Variants in CYB561 observed in about 807,000 individuals in gnomAD.
CYB561 encodes the protein cytochrome b561.
In CYB561, 11 loss-of-function variants were observed where a neutral mutation model predicts 25.3. The observed-to-expected ratio is 0.44, with a 90% CI of 0.27 to 0.72. The LOEUF is 0.72. Ranked by LOEUF, CYB561 falls within the 30% of genes least tolerant of loss-of-function variation. CYB561 has a pLI of 0.18. For synonymous variants in CYB561, 165 were observed against 158.8 expected (o/e 1.04, Z -0.29); for missense variants, 295 against 334.9 (o/e 0.88, Z 0.93).
At chr17:63,437,635 A>G (rs113985880) in intron 1 of CYB561, 75 bp from the exon 2 acceptor site, 7 of 1,207,474 alleles carry the variant, frequency 5.8e-6, no homozygotes, top group Non-Finnish European at 7.9e-6. Context: ...GGATGCACAC[A>G]GCCCCCCAAG....
rs2049308243 is a variant in CYB561, at chr17:63,436,965, C to T, written c.202+381G>A. The T allele has an allele frequency of 4.4e-6, 1 of 229,420 alleles. No homozygotes were observed. Among genetic ancestry groups the T allele is most frequent in the East Asian group, 1.1e-4 (1 of 9,044 alleles). The allele number at this position is 229,420 out of a possible 1,614,324, so 14.2% of individuals were successfully genotyped here. A position where few individuals can be genotyped will look rare whatever the true frequency, so the allele number is the denominator to read the frequency against. The stretch of plus-strand genomic sequence containing the variant: ...TGCCAAGTCCAAGACCAACAACACA[C>T]ATGCGCGCGCACGCACGCACGCATA... On this transcript the variant is annotated intron_variant, in intron 2 of 5. Coordinates refer to ENST00000360793, the MANE Select transcript of CYB561 (RefSeq NM_001915.4). The surrounding 1 kb of genome is among the most constrained non-coding windows in gnomAD (Gnocchi z 4.8).
chr17:63,437,655 G>T, intron 1 of CYB561, 95 bp from the exon 2 acceptor site: 1 of 821,350 alleles, frequency 1.2e-6, no homozygotes, highest in Non-Finnish European at 1.7e-6. Context: ...GATGCGCACA[G>T]GCCCCCCGAG....
At chr17:63,438,101 C>T (rs1415586083) in intron 1 of CYB561, 6 of 1,534,280 alleles carry the variant, frequency 3.9e-6, no homozygotes, top group African/African-American at 2.8e-5. Context: ...GGCCCAGCCT[C>T]CCCACGGGGA....
intron 1 of CYB561, among the ~76,000 whole-genome samples, chr17:63,444,860 GA>G (rs2049408452): frequency 6.6e-6 from 1 of 152,188 alleles, no homozygotes; most frequent in Admixed American, 6.5e-5. Flanking sequence ...GCCTGCCAAG[GA>G]AAAGTGGTGA....
intron 5 of CYB561, among the ~76,000 whole-genome samples, chr17:63,434,852 G>A (rs980509294): frequency 6.6e-6 from 1 of 152,234 alleles, no homozygotes; most frequent in African/African-American, 2.4e-5. Context: ...ATCCTGCTGC[G>A]TGGTGGGAAT....
intron 1 of CYB561, among the ~76,000 whole-genome samples, chr17:63,445,352 A>G (rs1035046941): frequency 2.7e-5 from 4 of 149,436 alleles, no homozygotes; most frequent in Non-Finnish European, 4.4e-5. Context: ...ACCGGGAGAA[A>G]TCCAGGCACC....
Position 63,433,530 on chromosome 17 carries a change from A to AAATT in CYB561, c.*868_*871dup, listed in dbSNP as rs1356305558. 2.5e-6 allele frequency: 1 copy of AAATT among 395,204 alleles called. No individual in the cohort carries two copies. The highest frequency in any genetic ancestry group is 4.5e-6 in the Non-Finnish European group (1 of 224,070). 24.5% of individuals were successfully genotyped at this position (395,204 alleles called of 1,614,324 possible). Reference sequence around the variant, plus strand: ...CAGCAGCAGCGGTTTTTCATTTAAAAAATTATAAGGTTTGTGCCCTCTGCC... The same window carrying AAATT: ...CAGCAGCAGCGGTTTTTCATTTAAAAAATTAATTATAAGGTTTGTGCCCTCTGCC... On this transcript the variant is annotated 3_prime_UTR_variant, in exon 6 of 6. Coordinates refer to ENST00000360793, the MANE Select transcript of CYB561 (RefSeq NM_001915.4).
intron 1 of CYB561, chr17:63,442,789 C>T (rs2049387722): frequency 6.6e-6 from 1 of 152,294 alleles, no homozygotes; most frequent in Non-Finnish European, 1.5e-5. Context: ...CCAGAATCCA[C>T]TTAATGCAAT....
At chr17:63,444,552 G>A (rs1483208228) in intron 1 of CYB561, among the ~76,000 whole-genome samples, 3 of 152,122 alleles carry the variant, frequency 2.0e-5, no homozygotes, top group Admixed American at 6.5e-5. Flanking sequence ...TGACACATGA[G>A]GTTTGGGGCC....
chr17:63,437,980 C>CCCCCCCCCCG, intron 1 of CYB561: 1 of 749,650 alleles, frequency 1.3e-6, no homozygotes, highest in Non-Finnish European at 2.0e-6. Flanking sequence ...GCCCCGCCAC[C>CCCCCCCCCCG]CTCCCCCGAG....
chr17:63,434,138 C>T lies in CYB561; in HGVS notation c.*264G>A, dbSNP rs952091623. 6 of 440,316 alleles carry T rather than the reference C, an allele frequency of 1.4e-5. No individual in the cohort carries two copies. The Admixed American group carries it at 1.5e-4, about 11-fold the overall frequency. 27.3% of individuals were successfully genotyped at this position (440,316 alleles called of 1,614,324 possible). ...TGCTCTGCGACCAGGACCGAACACC[C>T]GAAGTCCTACCCAAAGCCTTCTGCA... On this transcript the variant is annotated 3_prime_UTR_variant, in exon 6 of 6. Transcript: ENST00000360793.
chr17:63,441,851 C>G (rs1383023591), intron 1 of CYB561, among the ~76,000 whole-genome samples: 1 of 152,252 alleles, frequency 6.6e-6, no homozygotes, highest in Non-Finnish European at 1.5e-5. Context: ...GCCAGTCCTC[C>G]TGCGTCCTCC....
At chr17:63,437,136 C>T (rs1264606216) in intron 2 of CYB561, 3 of 568,240 alleles carry the variant, frequency 5.3e-6, no homozygotes, top group Non-Finnish European at 9.4e-6. Flanking sequence ...AAATGCTGGA[C>T]CAGGCTGGAG....
chr17:63,437,887 CCT>C, intron 1 of CYB561: 1 of 419,512 alleles, frequency 2.4e-6, no homozygotes, highest in South Asian at 2.1e-5. Flanking sequence ...GAGCAGCCCC[CCT>C]GAGATGCGCA....
At position 63,434,497 on chromosome 17, in the gene CYB561, G is replaced by C; in HGVS notation, c.661C>G (p.Arg221Gly). ...TGGGAAGGCCGCTTCCAGTCGGCCC[G>C]GGTCAAGATGTAGAGCACCGCCCCA... is the stretch of plus-strand genomic sequence containing the variant. ...FGGAVLYILT[R>G]ADWKRPSQAE... The change falls in exon 6 of 6, where the codon CGG (arginine) becomes GGG (glycine). Residue 221 changes from arginine (R) to glycine (G), a missense_variant. Arg to Gly is a moderately radical substitution (Grantham distance 125, BLOSUM62 -2). Coordinates refer to ENST00000360793, the MANE Select transcript of CYB561 (RefSeq NM_001915.4). 6.2e-7 allele frequency: 1 copy of C among 1,613,224 alleles called. No individual in the cohort carries two copies. Among genetic ancestry groups the C allele is most frequent in the Non-Finnish European group, 8.5e-7 (1 of 1,179,782 alleles).
rs545911692 is a variant in CYB561 at position 63,440,498 on chromosome 17, T to A, written c.-13-2938A>T. Among the ~76,000 whole-genome samples the A allele has an allele frequency of 2.6e-5, 4 of 152,258 alleles. No homozygotes were observed. The South Asian group carries it at 8.3e-4, about 32-fold the overall frequency. On this transcript the variant is annotated intron_variant, in intron 1 of 5. Coordinates refer to ENST00000360793, the MANE Select transcript of CYB561 (RefSeq NM_001915.4). ...AACATCATGCTGTCCCCTGCGTAAG[T>A]GCCCCCGAGTGCCAGTGAAATGCCA...
At chr17:63,435,394 A>C in intron 4 of CYB561, 151 bp from the exon 5 acceptor site, 1 of 813,446 alleles carries the variant, frequency 1.2e-6, no homozygotes, top group Non-Finnish European at 1.9e-6. Flanking sequence ...TGGTGGGAGG[A>C]GCACTAAGCG....
In CYB561 at chr17:63,437,537, C is replaced by G; in HGVS notation, c.11G>C (p.Gly4Ala). 1 of 1,610,196 alleles carries G rather than the reference C, an allele frequency of 6.2e-7. No homozygotes were observed. Among genetic ancestry groups the G allele is most frequent in the East Asian group, 2.2e-5 (1 of 44,872 alleles). Reference protein sequence around the residue: MEGGAAAATPTALP... With the variant: MEGAAAAATPTALP... ...TGCTGTGGGGGTGGCTGCCGCGGCC[C>G]CGCCCTCCATGCTGAGGCAAACGCT... Residue 4 changes from glycine (G) to alanine (A), a missense_variant, in exon 2 of 6, where the codon GGG becomes GCG. Transcript: ENST00000360793.
At chr17:63,434,985 C>A in intron 5 of CYB561, 101 bp downstream of exon 5, 1 of 1,296,160 alleles carries the variant, frequency 7.7e-7, no homozygotes, top group Non-Finnish European at 1.1e-6. Context: ...TGTGACGCCA[C>A]GAGAGGCGGC....
Sources: allele counts gnomAD v4.1 joint callset (sites outside exome capture counted in the v4.1 genomes callset), GRCh38; gene constraint gnomAD v4.1.1; non-coding constraint Gnocchi (gnomAD v3.1); transcripts MANE v1.5; gene names NCBI Gene and HGNC (gene_info 2026-07-23, HGNC 2026-07-21).